Variants in LOXL3 observed in about 807,000 individuals in gnomAD.
LOXL3 encodes lysyl oxidase like 3, also known as lysyl oxidase homolog 3.
LOXL3 carries 60 observed loss-of-function variants against 91.8 expected under a neutral mutation model. That is an observed-to-expected ratio of 0.65 (90% CI 0.53 to 0.81). The LOEUF is 0.81. LOXL3 is among the 30% of genes least tolerant of loss of function. LOXL3 has a pLI of 0.00. For synonymous variants in LOXL3, 355 were observed against 387.6 expected, an observed-to-expected ratio of 0.92 and a Z score of 0.99; for missense variants, 874 against 1,000.4, an observed-to-expected ratio of 0.87 and a Z score of 1.70.
Position 74,532,605 on chromosome 2 carries a change from CTG to C in LOXL3, c.*999_*1000del, listed in dbSNP as rs1340134847. ...GCCTGGGTTTGGCTAATAGGGTGAT[CTG>C]TGTACTTTCAGCATCCTTGCTGAAC... On this transcript the variant is annotated 3_prime_UTR_variant, in exon 14 of 14. Transcript: ENST00000264094. The C allele has an allele frequency of 3.1e-6, 5 of 1,610,502 alleles. No homozygotes were observed. Among genetic ancestry groups the C allele is most frequent in the Non-Finnish European group, 3.4e-6 (4 of 1,177,750 alleles).
In LOXL3 at chr2:74,532,641, C is replaced by CG. The variant is rs1558613537; in HGVS notation, c.*964dup. ...CAGCATCCTTGCTGAACTACAGCTT[C>CG]GAGAACCAAGCTTTCCCGATGTTCA... On this transcript the variant is annotated 3_prime_UTR_variant, in exon 14 of 14. Transcript: ENST00000264094. 6.2e-7 allele frequency: 1 copy of CG among 1,613,560 alleles called. No homozygotes were observed.
At chr2:74,554,564 C>G (rs983747593), upstream of LOXL3, 17 of 609,112 alleles carry the variant, frequency 2.8e-5, no homozygotes, top group African/African-American at 2.4e-4. This position sits in a 1 kb window ranked among gnomAD's most constrained non-coding sequence, Gnocchi z 4.9. Context: ...GCCTGGGGTG[C>G]TGCAGCTCCC....
At chr2:74,548,744 A>G (rs576838565) in intron 4 of LOXL3, among the ~76,000 whole-genome samples, 15 of 152,204 alleles carry the variant, frequency 9.9e-5, no homozygotes, top group African/African-American at 2.9e-4. Flanking sequence ...TGGAAGCCGG[A>G]CTGGACCCCA....
chr2:74,552,279 C>A, intron 2 of LOXL3, 43 bp downstream of exon 2: 1 of 1,553,144 alleles, frequency 6.4e-7, no homozygotes. Flanking sequence ...GCACTTTGGC[C>A]ACACATAGGA....
intron 4 of LOXL3, among the ~76,000 whole-genome samples, chr2:74,542,251 C>G (rs1017390297): frequency 3.3e-5 from 5 of 152,168 alleles, no homozygotes. Flanking sequence ...CATGATGGCG[C>G]CACTGCACTC....
Position 74,533,520 on chromosome 2 carries a change from G to A in LOXL3, c.*86C>T. On this transcript the variant is annotated 3_prime_UTR_variant, in exon 14 of 14. Coordinates refer to ENST00000264094, the MANE Select transcript of LOXL3 (RefSeq NM_032603.5). The stretch of plus-strand genomic sequence containing the variant: ...GTCTGATGAGTGCGGTTGCTGACAT[G>A]GGTTTCTTGGTAAGCTCCTGAGGTA... 1.6e-6 allele frequency: 2 copies of A among 1,232,084 alleles called. No individual in the cohort carries two copies. Among genetic ancestry groups the A allele is most frequent in the Non-Finnish European group, 2.4e-6 (2 of 848,354 alleles). 76.3% of individuals were successfully genotyped at this position (1,232,084 alleles called of 1,614,324 possible).
At chr2:74,555,645 C>T, upstream of LOXL3, 2 of 1,614,102 alleles carry the variant, frequency 1.2e-6, no homozygotes, top group Non-Finnish European at 1.7e-6. The surrounding 1 kb of genome is among the most constrained non-coding windows in gnomAD (Gnocchi z 6.1). Context: ...CTGGAGAACT[C>T]CTTGTACAGC....
chr2:74,552,606 C>G lies in LOXL3; in HGVS notation c.29G>C (p.Ser10Thr). The G allele has an allele frequency of 6.3e-7, 1 of 1,583,586 alleles. No individual in the cohort carries two copies. The highest frequency in any genetic ancestry group is 1.1e-5 in the South Asian group (1 of 89,110). MRPVSVWQW[S>T]PWGLLLCLLC... The stretch of plus-strand genomic sequence containing the variant: ...CAGGCACAGCAGCAGCCCCCAGGGG[C>G]TCCACTGCCAGACACTGACAGGTCG... The change falls in exon 2 of 14, where the codon AGC becomes ACC. Residue 10 changes from serine (S) to threonine (T), a missense_variant. By Grantham distance (58) the Ser-to-Thr change is moderately conservative. Coordinates refer to ENST00000264094, the MANE Select transcript of LOXL3 (RefSeq NM_032603.5).
chr2:74,532,881 G>A lies in LOXL3; in HGVS notation c.*725C>T. 1 of 1,614,132 alleles carries A rather than the reference G, an allele frequency of 6.2e-7. No homozygotes were observed. Among genetic ancestry groups the A allele is most frequent in the Non-Finnish European group, 8.5e-7 (1 of 1,180,024 alleles). On this transcript the variant is annotated 3_prime_UTR_variant, in exon 14 of 14. Transcript: ENST00000264094. ...TGGGGAGCAGATGGTACAAAATGCT[G>A]AAGATGTTTATGAAGCTGTTCGAAC...
At position 74,549,580 on chromosome 2, in the gene LOXL3, C is replaced by T. The variant is rs755891381; in HGVS notation, c.481G>A (p.Glu161Lys). ...GFSDSNVIEV[E>K]HHLQVEEVRI... The stretch of plus-strand genomic sequence containing the variant: ...ACCTCCTCCACTTGCAGGTGATGCT[C>T]TACCTGGGGGCGGGGCCACAAGCAG... Residue 161 changes from glutamate to lysine, a missense_variant, in exon 4 of 14, where the codon GAG becomes AAG. Transcript: ENST00000264094. The surrounding 1 kb of genome is among the most constrained non-coding windows in gnomAD (Gnocchi z 5.3). The T allele has an allele frequency of 2.5e-6, 4 of 1,606,410 alleles. No homozygotes were observed. The African/African-American group carries it at 5.3e-5, about 21-fold the overall frequency.
Position 74,535,316 on chromosome 2 carries a change from T to C in LOXL3, c.1555A>G (p.Thr519Ala). 6.2e-7 allele frequency: 1 copy of C among 1,613,988 alleles called. No individual in the cohort carries two copies. Among genetic ancestry groups the C allele is most frequent in the Non-Finnish European group, 8.5e-7 (1 of 1,179,970 alleles). The change falls in exon 9 of 14, where the codon ACT (threonine) becomes GCT (alanine). Residue 519 changes from threonine (T) to alanine (A), a missense_variant. By Grantham distance (58) the Thr-to-Ala change is moderately conservative (BLOSUM62 0). Transcript: ENST00000264094. The surrounding 1 kb of genome is among the most constrained non-coding windows in gnomAD (Gnocchi z 4.2). ...ITCKRTGTRF[T>A]AGVICSETAS... ...CTCTCAGAACAGATGACTCCAGCAG[T>C]GAAGCGGGTCCCTGTCCTCTTGCAG...
chr2:74,544,183 C>A (rs1265658656), intron 4 of LOXL3, among the ~76,000 whole-genome samples: 2 of 152,018 alleles, frequency 1.3e-5, no homozygotes, highest in Non-Finnish European at 2.9e-5. Context: ...CACCTGTAGA[C>A]CTAGCCACTC....
upstream of LOXL3, chr2:74,554,689 C>T: frequency 6.5e-7 from 1 of 1,536,224 alleles, no homozygotes; most frequent in Non-Finnish European, 8.9e-7. The surrounding 1 kb of genome is among the most constrained non-coding windows in gnomAD (Gnocchi z 4.9). Context: ...CCAGGGAACC[C>T]GGCCCCGCCT....
Position 74,536,996 on chromosome 2 carries a change from C to T in LOXL3, c.693-68G>A, listed in dbSNP as rs1676070489. ...CCTGCCTCTTGGCCCCACAAACATC[C>T]TCCCACTTCATGCCTCCACCATGCC... On this transcript the variant is annotated intron_variant, in intron 4 of 13. Coordinates refer to ENST00000264094, the MANE Select transcript of LOXL3 (RefSeq NM_032603.5). The surrounding 1 kb of genome is among the most constrained non-coding windows in gnomAD (Gnocchi z 4.5). 4.6e-6 allele frequency: 6 copies of T among 1,301,276 alleles called. No homozygotes were observed. In the African/African-American group the frequency reaches 7.3e-5, roughly 16 times the overall value. The allele number at this position is 1,301,276 out of a possible 1,614,324, so 80.6% of individuals were successfully genotyped here. A position where few individuals can be genotyped will look rare whatever the true frequency, so the allele number is the denominator to read the frequency against.
upstream of LOXL3, chr2:74,555,686 C>T (rs763332618): frequency 6.2e-7 from 1 of 1,613,554 alleles, no homozygotes; most frequent in Admixed American, 1.7e-5. This position sits in a 1 kb window ranked among gnomAD's most constrained non-coding sequence, Gnocchi z 6.1. Context: ...CCTCAGAAGC[C>T]CGGGCAGGGA....
intron 2 of LOXL3, among the ~76,000 whole-genome samples, chr2:74,551,989 C>G (rs1182706142): frequency 1.3e-5 from 2 of 152,264 alleles, no homozygotes; most frequent in Non-Finnish European, 2.9e-5. Flanking sequence ...TCCCATGAGA[C>G]TAACTGTACT....
chr2:74,554,630 G>T, upstream of LOXL3: 1 of 872,640 alleles, frequency 1.1e-6, no homozygotes, highest in South Asian at 1.7e-5. This position sits in a 1 kb window ranked among gnomAD's most constrained non-coding sequence, Gnocchi z 4.9. Context: ...ACCCCACCGC[G>T]ACCCCCCCAG....
intron 4 of LOXL3, among the ~76,000 whole-genome samples, chr2:74,545,014 C>T (rs1676522331): frequency 6.6e-6 from 1 of 152,194 alleles, no homozygotes; most frequent in African/African-American, 2.4e-5. Flanking sequence ...ATATGTCCAA[C>T]AAATATTCCT....
At chr2:74,546,939 C>T (rs957073471) in intron 4 of LOXL3, among the ~76,000 whole-genome samples, 2 of 152,064 alleles carry the variant, frequency 1.3e-5, no homozygotes, top group Non-Finnish European at 2.9e-5. Context: ...TGGTCTCGAA[C>T]TCCTGACCTC....
Sources: gnomAD v4.1 joint callset for allele counts (sites outside exome capture counted in the v4.1 genomes callset) on GRCh38, gnomAD v4.1.1 for gene constraint, Gnocchi (gnomAD v3.1) non-coding constraint, MANE v1.5 for transcripts, NCBI Gene and HGNC (gene_info 2026-07-23, HGNC 2026-07-21) for gene names.